The following SMOC1 variants were observed in gnomAD, a reference collection of about 807,000 sequenced individuals.
SMOC1 encodes the protein SPARC related modular calcium binding 1.
Under a neutral mutation model 56.3 loss-of-function variants are expected in SMOC1, and 22 were observed. The observed-to-expected ratio is 0.39, with a 90% CI of 0.28 to 0.56. SMOC1 has a LOEUF of 0.56. Ranked by LOEUF, SMOC1 falls within the 20% of genes least tolerant of loss-of-function variation. The pLI, the probability that SMOC1 is intolerant of heterozygous loss-of-function variation, is 0.61. For missense variants in SMOC1, 509 were observed against 565.4 expected, an observed-to-expected ratio of 0.90 and a Z score of 1.01; for synonymous variants, 193 against 215.0, an observed-to-expected ratio of 0.90 and a Z score of 0.89.
At chr14:69,963,452 A>G (rs1159575384) in intron 3 of SMOC1, among the ~76,000 whole-genome samples, 1 of 152,228 alleles carries the variant, frequency 6.6e-6, no homozygotes, top group African/African-American at 2.4e-5. Context: ...ATCTACAAGC[A>G]GGAAAGGGAA....
At chr14:69,916,125 C>T (rs1374202783) in intron 1 of SMOC1, among the ~76,000 whole-genome samples, 3 of 152,208 alleles carry the variant, frequency 2.0e-5, no homozygotes, top group African/African-American at 7.2e-5. Flanking sequence ...TTTTCCCTAC[C>T]AACCTTACCA....
chr14:70,005,485 C>T (rs1225256119), intron 7 of SMOC1, among the ~76,000 whole-genome samples: 1 of 152,184 alleles, frequency 6.6e-6, no homozygotes, highest in Non-Finnish European at 1.5e-5. Flanking sequence ...CTGCCCACTC[C>T]TGCTGGACTT....
chr14:69,926,536 C>G (rs1233323206), intron 1 of SMOC1, among the ~76,000 whole-genome samples: 2 of 152,240 alleles, frequency 1.3e-5, no homozygotes, highest in Non-Finnish European at 2.9e-5. Context: ...TAAAGCGCTT[C>G]TCTCTTGTGG....
chr14:69,953,580 A>G (rs568579720), intron 3 of SMOC1, 48 bp downstream of exon 3: 2 of 1,529,520 alleles, frequency 1.3e-6, no homozygotes, highest in East Asian at 4.5e-5. Context: ...ACCGAGGCAG[A>G]GGGGAGGTGT....
At chr14:69,920,376 A>G (rs1370593047) in intron 1 of SMOC1, among the ~76,000 whole-genome samples, 1 of 152,102 alleles carries the variant, frequency 6.6e-6, no homozygotes, top group Non-Finnish European at 1.5e-5. Context: ...TGCAGATGAG[A>G]TGTGGGGCTC....
At chr14:69,972,943 G>A (rs1318794274) in intron 3 of SMOC1, among the ~76,000 whole-genome samples, 2 of 152,196 alleles carry the variant, frequency 1.3e-5, no homozygotes, top group African/African-American at 4.8e-5. Context: ...ATGGACTTGA[G>A]GGCACAGTCC....
intron 1 of SMOC1, among the ~76,000 whole-genome samples, chr14:69,921,972 A>G (rs1884858501): frequency 6.6e-6 from 1 of 152,170 alleles, no homozygotes; most frequent in South Asian, 2.1e-4. Flanking sequence ...ACCTGGGTGA[A>G]CTGCTCCTGC....
chr14:70,020,621 A>G (rs1332736318), intron 10 of SMOC1, among the ~76,000 whole-genome samples: 1 of 152,160 alleles, frequency 6.6e-6, no homozygotes, highest in Admixed American at 6.5e-5. Flanking sequence ...AATGCTGCAC[A>G]TCTCAGCCCA....
intron 3 of SMOC1, among the ~76,000 whole-genome samples, chr14:69,971,824 TCTC>T (rs1883774327): frequency 6.6e-6 from 1 of 152,170 alleles, no homozygotes; most frequent in Admixed American, 6.5e-5. Context: ...AAAACAAACA[TCTC>T]CTTCTTCCAC....
chr14:69,975,616 C>CGCA, intron 3 of SMOC1, 99 bp from the exon 4 acceptor site: 1 of 903,538 alleles, frequency 1.1e-6, no homozygotes, highest in Admixed American at 1.7e-5. Flanking sequence ...GGAAGATGCT[C>CGCA]TTTCACCGTA....
At chr14:69,980,383 G>A (rs1884135004) in intron 5 of SMOC1, among the ~76,000 whole-genome samples, 1 of 152,180 alleles carries the variant, frequency 6.6e-6, no homozygotes. Context: ...CAAGGCTCTG[G>A]TGGGGAATGC....
intron 1 of SMOC1, among the ~76,000 whole-genome samples, chr14:69,883,917 T>TTTTTTTA (rs1883719290): frequency 7.0e-6 from 1 of 142,218 alleles, no homozygotes. Context: ...TTTTTTTTTT[T>TTTTTTTA]GAGACGGAGT....
At chr14:69,932,139 G>A (rs1465569159) in intron 1 of SMOC1, among the ~76,000 whole-genome samples, 1 of 152,216 alleles carries the variant, frequency 6.6e-6, no homozygotes, top group African/African-American at 2.4e-5. Flanking sequence ...TCAAGGGAAC[G>A]GGAACACCCT....
At chr14:70,021,699 G>A (rs888403678) in intron 10 of SMOC1, among the ~76,000 whole-genome samples, 13 of 151,996 alleles carry the variant, frequency 8.6e-5, no homozygotes, top group Non-Finnish European at 1.6e-4. Flanking sequence ...AACAGGGATG[G>A]ATGACTGGCT....
intron 3 of SMOC1, among the ~76,000 whole-genome samples, chr14:69,966,269 G>A (rs1883573498): frequency 6.6e-6 from 1 of 152,150 alleles, no homozygotes; most frequent in Non-Finnish European, 1.5e-5. Flanking sequence ...ACCATTCTAG[G>A]CACCAGACAG....
chr14:69,918,493 G>A (rs1884747051), intron 1 of SMOC1, among the ~76,000 whole-genome samples: 1 of 152,138 alleles, frequency 6.6e-6, no homozygotes, highest in Non-Finnish European at 1.5e-5. Flanking sequence ...CTCCCCAAGT[G>A]CTAGGATTAC....
intron 1 of SMOC1, among the ~76,000 whole-genome samples, chr14:69,911,538 A>G (rs1339008049): frequency 1.3e-5 from 2 of 152,144 alleles, no homozygotes; most frequent in Non-Finnish European, 2.9e-5. Context: ...TTAACCCCTG[A>G]CAACCAGTGG....
intron 3 of SMOC1, among the ~76,000 whole-genome samples, chr14:69,973,405 C>G (rs572987358): frequency 6.6e-6 from 1 of 152,330 alleles, no homozygotes; most frequent in East Asian, 1.9e-4. Flanking sequence ...GTATCTAGTT[C>G]ATAACTGGCT....
At chr14:70,013,251 C>A in intron 9 of SMOC1, 135 bp from the exon 10 acceptor site, 1 of 769,748 alleles carries the variant, frequency 1.3e-6, no homozygotes, top group Non-Finnish European at 2.3e-6. Flanking sequence ...CTCATCTGAT[C>A]AGTAAACAAA....
Sources: allele counts gnomAD v4.1 joint callset (sites outside exome capture counted in the v4.1 genomes callset), GRCh38; gene constraint gnomAD v4.1.1; transcripts MANE v1.5; gene names NCBI Gene and HGNC (gene_info 2026-07-23, HGNC 2026-07-21).